The following RGS5 variants were observed in gnomAD, a reference collection of about 807,000 sequenced individuals.
The protein encoded by RGS5 is regulator of G protein signaling 5.
In RGS5, 20 loss-of-function variants were observed where a neutral mutation model predicts 18.9. The observed-to-expected ratio is 1.06, with a 90% CI of 0.74 to 1.54. The LOEUF is 1.54. Ranked by LOEUF, RGS5 falls within the 40% of genes most tolerant of loss-of-function variation. RGS5 has a pLI of 0.00. For synonymous variants in RGS5, 57 were observed against 76.2 expected (o/e 0.75, Z 1.31); for missense variants, 201 against 211.8 (o/e 0.95, Z 0.32).
intron 1 of RGS5, among the ~76,000 whole-genome samples, chr1:163,171,636 T>C (rs1658304363): frequency 6.6e-6 from 1 of 152,236 alleles, no homozygotes; most frequent in African/African-American, 2.4e-5. Flanking sequence ...AGAAAAATAT[T>C]TGTGTTTGAT....
chr1:163,258,824 C>T (rs1161273299), intron 2 of RGS5, among the ~76,000 whole-genome samples: 1 of 151,966 alleles, frequency 6.6e-6, no homozygotes, highest in Non-Finnish European at 1.5e-5. Flanking sequence ...AACAGGTGTG[C>T]CACCATGCTT....
At chr1:163,154,240 C>T (rs754785244) in intron 3 of RGS5, among the ~76,000 whole-genome samples, 2 of 152,144 alleles carry the variant, frequency 1.3e-5, no homozygotes, top group South Asian at 2.1e-4. Flanking sequence ...TGATTTCACA[C>T]AAGCATAAAA....
chr1:163,289,565 TA>T (rs1270652903), intron 2 of RGS5, among the ~76,000 whole-genome samples: 1 of 152,126 alleles, frequency 6.6e-6, no homozygotes, highest in Non-Finnish European at 1.5e-5. Context: ...TCTGTTCCAT[TA>T]AACTGAATTG....
chr1:163,188,294 G>A (rs570873782), intron 1 of RGS5, among the ~76,000 whole-genome samples: 16 of 152,266 alleles, frequency 1.1e-4, no homozygotes, highest in South Asian at 2.1e-4. Context: ...TCAAAGTGCT[G>A]GGTTAGACCT....
At chr1:163,152,469 G>T in intron 4 of RGS5, 81 bp downstream of exon 4, 1 of 1,426,422 alleles carries the variant, frequency 7.0e-7, no homozygotes, top group South Asian at 1.5e-5. Context: ...GGCTCCCAAC[G>T]GGAGGTCTGT....
chr1:163,290,827 G>T (rs1284251916), intron 2 of RGS5, among the ~76,000 whole-genome samples: 1 of 151,988 alleles, frequency 6.6e-6, no homozygotes, highest in African/African-American at 2.4e-5. Context: ...CCAGTCTAAA[G>T]TATTTTATTT....
At chr1:163,303,436 A>C (rs550923852) in intron 2 of RGS5, among the ~76,000 whole-genome samples, 1 of 152,212 alleles carries the variant, frequency 6.6e-6, no homozygotes, top group Non-Finnish European at 1.5e-5. Flanking sequence ...TTTTTTTAAA[A>C]AGAGATCTCT....
chr1:163,183,430 C>T lies in RGS5; in HGVS notation c.45-15062G>A, dbSNP rs148001206. On this transcript the variant is annotated intron_variant, in intron 1 of 4. Transcript: ENST00000313961. ...AAAATTAATAAGCAATTATTCCTGA[C>T]CTGAAATTGCTTTCATTTTACAAAG... 3.7e-3 allele frequency among the ~76,000 whole-genome samples: 561 copies of T among 152,282 alleles called. 4 individuals carry two copies. The highest frequency in any genetic ancestry group is 0.02 in the Middle Eastern group (6 of 294).
chr1:163,308,741 T>C (rs1649772796), intron 1 of RGS5: 5 of 152,072 alleles, frequency 3.3e-5, no homozygotes, highest in Admixed American at 3.3e-4. Context: ...AAAACCAATA[T>C]AAAATAGTAC....
intron 1 of RGS5, among the ~76,000 whole-genome samples, chr1:163,190,307 T>C (rs1571266770): frequency 6.6e-6 from 1 of 152,178 alleles, no homozygotes; most frequent in Non-Finnish European, 1.5e-5. Flanking sequence ...CATTTGAGGG[T>C]CAATTATTAG....
At chr1:163,304,856 T>C (rs1649654191) in intron 2 of RGS5, 2 of 152,224 alleles carry the variant, frequency 1.3e-5, no homozygotes, top group African/African-American at 4.8e-5. Flanking sequence ...GTCTAACAAG[T>C]AGTCTTCAAT....
intron 4 of RGS5, among the ~76,000 whole-genome samples, chr1:163,151,562 G>C (rs1657376027): frequency 6.6e-6 from 1 of 152,048 alleles, no homozygotes; most frequent in South Asian, 2.1e-4. Flanking sequence ...TGAATCATGG[G>C]GGCAGTTTCC....
At chr1:163,312,575 A>G (rs540793772) in intron 1 of RGS5, among the ~76,000 whole-genome samples, 40 of 152,350 alleles carry the variant, frequency 2.6e-4, no homozygotes, top group Admixed American at 2.1e-3. Context: ...AACGACAGTG[A>G]TATGAACCAG....
intron 1 of RGS5, among the ~76,000 whole-genome samples, chr1:163,168,963 C>G (rs9659927): frequency 0.19 from 29,491 of 151,514 alleles, 4,536 homozygotes; most frequent in African/African-American, 0.43. Context: ...CTGCACCCAT[C>G]AACTCGTCAT....
intron 2 of RGS5, chr1:163,238,404 T>A (rs1176899947): frequency 1.3e-5 from 2 of 152,256 alleles, no homozygotes; most frequent in African/African-American, 4.8e-5. Context: ...AATATTCAAG[T>A]TCAAATTTCC....
intron 3 of RGS5, among the ~76,000 whole-genome samples, chr1:163,156,679 T>A (rs1557881575): frequency 6.6e-6 from 1 of 152,182 alleles, no homozygotes; most frequent in Non-Finnish European, 1.5e-5. Flanking sequence ...CAGGGAAGCA[T>A]TTCCTTCCAA....
chr1:163,152,345 A>G, intron 4 of RGS5: 1 of 453,630 alleles, frequency 2.2e-6, no homozygotes, highest in Non-Finnish European at 3.9e-6. Context: ...GAGACCCATA[A>G]AACTAGAAAG....
chr1:163,262,692 CA>C (rs1648477955), intron 2 of RGS5, among the ~76,000 whole-genome samples: 1 of 137,734 alleles, frequency 7.3e-6, no homozygotes, highest in South Asian at 2.6e-4. Context: ...ATGGCTGGGT[CA>C]AATGGTATTT....
chr1:163,205,870 A>C (rs567649615), upstream of RGS5, among the ~76,000 whole-genome samples: 54 of 152,274 alleles, frequency 3.5e-4, no homozygotes, highest in South Asian at 6.2e-4. Flanking sequence ...ATATTTATTG[A>C]GATGCATTTT....
Sources: gnomAD v4.1 joint callset for allele counts (sites outside exome capture counted in the v4.1 genomes callset) on GRCh38, gnomAD v4.1.1 for gene constraint, MANE v1.5 for transcripts, NCBI Gene and HGNC (gene_info 2026-07-23, HGNC 2026-07-21) for gene names.